The following TNR variants were observed in gnomAD, a reference collection of about 807,000 sequenced individuals.
The protein encoded by TNR is tenascin R.
Under a neutral mutation model 150.4 loss-of-function variants are expected in TNR, and 45 were observed. The ratio of observed to expected loss-of-function variants is 0.30; its 90% CI spans 0.24 to 0.38. The LOEUF is 0.38. Ranked by LOEUF, TNR falls within the 10% of genes least tolerant of loss-of-function variation. TNR has a pLI of 1.00. For synonymous variants in TNR, 687 were observed against 678.4 expected (o/e 1.01, Z -0.20); for missense variants, 1,544 against 1,759.1 (o/e 0.88, Z 2.19).
intron 7 of TNR, among the ~76,000 whole-genome samples, chr1:175,390,846 G>A (rs1653136421): frequency 6.6e-6 from 1 of 152,216 alleles, no homozygotes; most frequent in Non-Finnish European, 1.5e-5. Flanking sequence ...ACTTAATGAA[G>A]AAGGTATTCT....
intron 17 of TNR, 110 bp downstream of exon 17, chr1:175,355,393 G>T: frequency 6.9e-7 from 1 of 1,442,826 alleles, no homozygotes; most frequent in Non-Finnish European, 9.4e-7. Flanking sequence ...CAATCCTTGT[G>T]GATTGCTTCC....
intron 2 of TNR, among the ~76,000 whole-genome samples, chr1:175,412,284 C>G (rs935314125): frequency 6.6e-6 from 1 of 152,148 alleles, no homozygotes; most frequent in Non-Finnish European, 1.5e-5. Context: ...AGACTTAGAG[C>G]TCTTACAAGT....
chr1:175,370,602 C>T (rs141472666), intron 9 of TNR, among the ~76,000 whole-genome samples: 151 of 152,152 alleles, frequency 9.9e-4, no homozygotes, highest in African/African-American at 3.5e-3. Context: ...TTGAAGCACA[C>T]ATTTATCTCC....
chr1:175,414,436 C>G (rs1474448479), intron 2 of TNR, among the ~76,000 whole-genome samples: 1 of 152,104 alleles, frequency 6.6e-6, no homozygotes, highest in African/African-American at 2.4e-5. Context: ...CAGTTGTGAG[C>G]AAGACAGATG....
At chr1:175,687,402 C>T (rs1205726778) in intron 1 of TNR, among the ~76,000 whole-genome samples, 2 of 152,134 alleles carry the variant, frequency 1.3e-5, no homozygotes, top group East Asian at 1.9e-4. Flanking sequence ...CTTACAAAGG[C>T]TTATTTTTCC....
chr1:175,523,226 T>C (rs1659714463), intron 2 of TNR, among the ~76,000 whole-genome samples: 1 of 152,194 alleles, frequency 6.6e-6, no homozygotes, highest in African/African-American at 2.4e-5. Context: ...TGTTTACCAT[T>C]TCCCCAAAAC....
At chr1:175,694,958 A>G (rs1301419030) in intron 1 of TNR, among the ~76,000 whole-genome samples, 2 of 152,152 alleles carry the variant, frequency 1.3e-5, no homozygotes, top group East Asian at 3.9e-4. Flanking sequence ...TAGCAAACAA[A>G]CACATCTCAA....
In TNR at chr1:175,643,885, C is replaced by G. The variant is rs548582059; in HGVS notation, c.-165+99341G>C. On this transcript the variant is annotated intron_variant, in intron 1 of 22. Transcript: ENST00000367674. The stretch of plus-strand genomic sequence containing the variant: ...GACAACAACCAGTCATTTGATGCAT[C>G]CTGATTGTTTAAGTGATATGAAAGT... Among the ~76,000 whole-genome samples, 19 of 152,204 alleles carry G rather than the reference C, an allele frequency of 1.2e-4. No individual in the cohort carries two copies. The South Asian group carries it at 3.7e-3, about 30-fold the overall frequency.
At chr1:175,336,253 A>G (rs1650246848) in intron 19 of TNR, among the ~76,000 whole-genome samples, 1 of 152,256 alleles carries the variant, frequency 6.6e-6, no homozygotes, top group African/African-American at 2.4e-5. Context: ...GCAAAGCAAT[A>G]TTGCATATCA....
intron 2 of TNR, among the ~76,000 whole-genome samples, chr1:175,459,196 C>T (rs1214543466): frequency 6.6e-6 from 1 of 151,392 alleles, no homozygotes; most frequent in Non-Finnish European, 1.5e-5. Context: ...CCATTATCAC[C>T]ACCACCATCA....
At chr1:175,419,592 G>A (rs1038478491) in intron 2 of TNR, among the ~76,000 whole-genome samples, 10 of 152,048 alleles carry the variant, frequency 6.6e-5, no homozygotes, top group East Asian at 1.9e-4. Flanking sequence ...AGCAATTCTC[G>A]TGCCTCAGCC....
At chr1:175,679,539 T>C (rs1014048716) in intron 1 of TNR, among the ~76,000 whole-genome samples, 2 of 152,236 alleles carry the variant, frequency 1.3e-5, no homozygotes, top group Non-Finnish European at 2.9e-5. Flanking sequence ...AGATGCTATC[T>C]GCCTAGCCAC....
chr1:175,396,871 A>T, intron 4 of TNR, 64 bp from the exon 5 acceptor site: 1 of 1,561,634 alleles, frequency 6.4e-7, no homozygotes, highest in Non-Finnish European at 8.7e-7. Context: ...CCTGGACTCA[A>T]CTTTCTTCCT....
chr1:175,678,896 T>A (rs1179801561), intron 1 of TNR, among the ~76,000 whole-genome samples: 3 of 152,112 alleles, frequency 2.0e-5, no homozygotes, highest in African/African-American at 7.2e-5. Context: ...AGAGTACAAG[T>A]GGAAAGCTGT....
At chr1:175,472,165 C>A (rs1008390511) in intron 2 of TNR, among the ~76,000 whole-genome samples, 1 of 152,054 alleles carries the variant, frequency 6.6e-6, no homozygotes, top group African/African-American at 2.4e-5. Flanking sequence ...AAGGCATGAA[C>A]ACACAGATTA....
chr1:175,357,395 T>C (rs1011020871), intron 15 of TNR, among the ~76,000 whole-genome samples: 1 of 152,236 alleles, frequency 6.6e-6, no homozygotes, highest in Non-Finnish European at 1.5e-5. Context: ...ATTTTCAGAA[T>C]AGGTAGGGCT....
chr1:175,509,917 A>G (rs942580355), intron 2 of TNR, among the ~76,000 whole-genome samples: 11 of 152,222 alleles, frequency 7.2e-5, no homozygotes, highest in African/African-American at 2.4e-4. Context: ...TATGTGTTAA[A>G]TTCTTTTCTA....
At chr1:175,324,211 T>C in intron 22 of TNR, 145 bp downstream of exon 22, 1 of 950,498 alleles carries the variant, frequency 1.1e-6, no homozygotes, top group South Asian at 1.7e-5. Context: ...TCTTATCCCA[T>C]TGTCTGCATT....
intron 1 of TNR, among the ~76,000 whole-genome samples, chr1:175,716,359 A>C (rs12038227): frequency 0.32 from 48,974 of 151,126 alleles, 8,617 homozygotes; most frequent in African/African-American, 0.48. Flanking sequence ...TCCAAACCTT[A>C]CTCCTCCCAC....
Sources: allele counts gnomAD v4.1 joint callset (sites outside exome capture counted in the v4.1 genomes callset), GRCh38; gene constraint gnomAD v4.1.1; transcripts MANE v1.5; gene names NCBI Gene and HGNC (gene_info 2026-07-23, HGNC 2026-07-21).